Variants in DPH6 observed in about 807,000 individuals in gnomAD.
The protein encoded by DPH6 is diphthamine biosynthesis 6.
DPH6 carries 33 observed loss-of-function variants against 38.2 expected under a neutral mutation model. That is an observed-to-expected ratio of 0.86 (90% CI 0.65 to 1.15). The LOEUF (loss-of-function observed/expected upper bound fraction) is 1.15. Ranked by LOEUF, DPH6 falls within the 50% of genes most tolerant of loss-of-function variation. The pLI is 0.00. For missense variants in DPH6, 325 were observed against 320.0 expected (o/e 1.02, Z -0.12); for synonymous variants, 108 against 103.0 (o/e 1.05, Z -0.30).
intron 3 of DPH6, among the ~76,000 whole-genome samples, chr15:35,270,364 A>G (rs1020236527): frequency 6.6e-6 from 1 of 152,210 alleles, no homozygotes; most frequent in African/African-American, 2.4e-5. Context: ...CTTGTCAGCT[A>G]TTTTGTTATC....
intron 3 of DPH6, among the ~76,000 whole-genome samples, chr15:35,528,713 G>A (rs910312722): frequency 1.3e-5 from 2 of 152,096 alleles, no homozygotes; most frequent in Admixed American, 1.3e-4. Flanking sequence ...CAATGTAATA[G>A]CCTAGCATAC....
intron 3 of DPH6, among the ~76,000 whole-genome samples, chr15:35,346,472 A>C (rs2052462937): frequency 6.6e-6 from 1 of 152,056 alleles, no homozygotes; most frequent in Non-Finnish European, 1.5e-5. Flanking sequence ...GAATTACTTG[A>C]TGTCTTTAAT....
At position 35,410,866 on chromosome 15, in the gene DPH6, GT is replaced by G; in HGVS notation, c.535del (p.Thr179ProfsTer10). ...GAGATAAGGCTCCATTTGATCCAGGGTTTTCCCAAGATGCTTATCAGGATCT... is the reference window on the plus strand; with the variant it reads ...GAGATAAGGCTCCATTTGATCCAGGGTTTCCCAAGATGCTTATCAGGATCT... ...GLDPDKHLGK[T>X]LDQMEPYLIE... On this transcript the variant is annotated frameshift_variant, in exon 6 of 9. Coordinates refer to ENST00000256538, the MANE Select transcript of DPH6 (RefSeq NM_080650.4). LOFTEE classifies it high-confidence loss of function. 6.2e-7 allele frequency: 1 copy of G among 1,603,330 alleles called. No individual in the cohort carries two copies. The highest frequency in any genetic ancestry group is 8.5e-7 in the Non-Finnish European group (1 of 1,174,746).
chr15:35,532,504 G>C (rs139372420), intron 3 of DPH6, among the ~76,000 whole-genome samples: 37 of 152,206 alleles, frequency 2.4e-4, no homozygotes, highest in African/African-American at 8.9e-4. Context: ...GAAAGGGACT[G>C]AGAAAAAATG....
intron 3 of DPH6, among the ~76,000 whole-genome samples, chr15:35,292,778 G>C (rs1190174505): frequency 6.6e-6 from 1 of 152,022 alleles, no homozygotes; most frequent in African/African-American, 2.4e-5. Flanking sequence ...TTTTAAAAGT[G>C]AACAACTTTT....
intron 3 of DPH6, among the ~76,000 whole-genome samples, chr15:35,301,065 G>T (rs751968850): frequency 3.1e-4 from 47 of 152,134 alleles, no homozygotes; most frequent in Non-Finnish European, 5.4e-4. Flanking sequence ...AGTTAAAAAA[G>T]GAATTATATG....
At chr15:35,250,753 CAT>C (rs2051668460) in intron 3 of DPH6, among the ~76,000 whole-genome samples, 1 of 151,770 alleles carries the variant, frequency 6.6e-6, no homozygotes, top group African/African-American at 2.4e-5. Flanking sequence ...AGAAGGAAGA[CAT>C]ATAAAATAAT....
At chr15:35,350,066 T>G (rs1268913159) in intron 3 of DPH6, among the ~76,000 whole-genome samples, 2 of 152,200 alleles carry the variant, frequency 1.3e-5, no homozygotes, top group South Asian at 2.1e-4. Flanking sequence ...TTCAGTGAAG[T>G]CACTGGTCCT....
chr15:35,339,248 G>C (rs1193862110), intron 3 of DPH6, among the ~76,000 whole-genome samples: 1 of 151,406 alleles, frequency 6.6e-6, no homozygotes, highest in Non-Finnish European at 1.5e-5. Context: ...GCATCCCAGA[G>C]ATTCTGATAC....
At chr15:35,313,231 T>TA (rs1396845162) in intron 3 of DPH6, among the ~76,000 whole-genome samples, 2 of 151,540 alleles carry the variant, frequency 1.3e-5, no homozygotes, top group Admixed American at 1.3e-4. Flanking sequence ...AGACTCAGTT[T>TA]AAAAAAAAAT....
chr15:35,388,775 A>C (rs1023138808), intron 6 of DPH6, among the ~76,000 whole-genome samples: 1 of 151,962 alleles, frequency 6.6e-6, no homozygotes, highest in Non-Finnish European at 1.5e-5. Context: ...AATTTTGTTG[A>C]TCTTTTCAAA....
At chr15:35,359,318 G>C (rs1024674416) in intron 3 of DPH6, among the ~76,000 whole-genome samples, 1 of 152,176 alleles carries the variant, frequency 6.6e-6, no homozygotes, top group Non-Finnish European at 1.5e-5. Context: ...CCCAACCTGT[G>C]AAAGAAAAGG....
chr15:35,194,444 C>G, the DPH6 span, among the ~76,000 whole-genome samples: 1 of 151,574 alleles, frequency 6.6e-6, no homozygotes, highest in Non-Finnish European at 1.5e-5. Flanking sequence ...AGTAAAAGCC[C>G]AGAAGCCACT....
At position 35,371,933 on chromosome 15, in the gene DPH6, G is replaced by T; in HGVS notation, c.*217C>A. Reference sequence around the variant, plus strand: ...GGAAGATGTGTTAACGAAAGAGAAAGAGTGAATTCCAAGAAAGTTGGCACT... The same window carrying T: ...GGAAGATGTGTTAACGAAAGAGAAATAGTGAATTCCAAGAAAGTTGGCACT... On this transcript the variant is annotated 3_prime_UTR_variant, in exon 9 of 9. Transcript: ENST00000256538. The T allele has an allele frequency of 8.0e-7, 1 of 1,246,562 alleles. No individual in the cohort carries two copies. The highest frequency in any genetic ancestry group is 1.0e-6 in the Non-Finnish European group (1 of 988,032). 77.2% of individuals were successfully genotyped at this position (1,246,562 alleles called of 1,614,324 possible).
At chr15:35,415,134 T>C (rs1033876412) in intron 5 of DPH6, among the ~76,000 whole-genome samples, 1 of 151,976 alleles carries the variant, frequency 6.6e-6, no homozygotes, top group Non-Finnish European at 1.5e-5. Flanking sequence ...TTTTCACATT[T>C]TTCCTTCTTA....
chr15:35,501,395 T>C (rs961603575), intron 3 of DPH6, among the ~76,000 whole-genome samples: 87 of 152,318 alleles, frequency 5.7e-4, no homozygotes, highest in Middle Eastern at 3.4e-3. Context: ...ACTGCCGACA[T>C]GGGATCAACT....
chr15:35,338,545 A>T (rs2052393836), intron 3 of DPH6, among the ~76,000 whole-genome samples: 1 of 152,138 alleles, frequency 6.6e-6, no homozygotes, highest in Non-Finnish European at 1.5e-5. Flanking sequence ...GGTGCTGGAG[A>T]GGATGTGGAG....
intron 3 of DPH6, among the ~76,000 whole-genome samples, chr15:35,355,299 T>C (rs929664607): frequency 6.6e-6 from 1 of 152,186 alleles, no homozygotes; most frequent in East Asian, 1.9e-4. Context: ...AAGGTTAATA[T>C]TGTTATGTGT....
At chr15:35,337,652 G>A (rs1246071391) in intron 3 of DPH6, among the ~76,000 whole-genome samples, 1 of 152,140 alleles carries the variant, frequency 6.6e-6, no homozygotes, top group African/African-American at 2.4e-5. Flanking sequence ...AGCTACCAAT[G>A]ACTTTCTTCA....
Sources: allele counts gnomAD v4.1 joint callset (sites outside exome capture counted in the v4.1 genomes callset), GRCh38; gene constraint gnomAD v4.1.1; transcripts MANE v1.5; gene names NCBI Gene and HGNC (gene_info 2026-07-23, HGNC 2026-07-21).